The following AMZ1 variants were observed in gnomAD, a reference collection of about 807,000 sequenced individuals.
AMZ1 encodes archaelysin family metallopeptidase 1.
AMZ1 carries 39 observed loss-of-function variants against 29.9 expected under a neutral mutation model. The observed-to-expected ratio is 1.30, with a 90% confidence interval of 1.01 to 1.70. The LOEUF (loss-of-function observed/expected upper bound fraction) is 1.70, where lower values mean the gene tolerates loss of function less well. AMZ1 is among the 40% of genes most tolerant of loss of function. The probability of loss-of-function intolerance (pLI) is 0.00; values close to 1 mark genes in which losing one functional copy is unlikely to be tolerated. For synonymous variants in AMZ1, 458 were observed against 304.0 expected (o/e 1.51, Z -5.27); for missense variants, 1,041 against 680.6 (o/e 1.53, Z -5.89).
rs1562409543 is a variant in AMZ1, at chr7:2,757,128, C to CTTTTTT, written n.551-7584_551-7583insTTTTTT. 2.4e-4 allele frequency among the ~76,000 whole-genome samples: 28 copies of CTTTTTT among 115,130 alleles called. 1 individual carries two copies. Among genetic ancestry groups the CTTTTTT allele is most frequent in the South Asian group, 5.3e-4 (2 of 3,772 alleles). The allele number at this position is 115,130 out of a possible 152,430, so 75.5% of individuals were successfully genotyped here. ...GGCAGGCCCGATCTAATCAGGTGGGCCTTTTTTTTTTTTTTTTTTTTTTTT... is the reference window on the plus strand; with the variant it reads ...GGCAGGCCCGATCTAATCAGGTGGGCTTTTTTCTTTTTTTTTTTTTTTTTTTTTTTT... On this transcript the variant is annotated intron_variant and non_coding_transcript_variant, in intron 4 of 4. Coordinates refer to the AMZ1 transcript ENST00000489665.
chr7:2,695,892 C>G (rs944113778), intron 1 of AMZ1, among the ~76,000 whole-genome samples: 1 of 151,600 alleles, frequency 6.6e-6, no homozygotes, highest in Non-Finnish European at 1.5e-5. Flanking sequence ...CACCTGTAGT[C>G]CCAGCTACTC....
chr7:2,701,364 G>A (rs1788043254), intron 2 of AMZ1, among the ~76,000 whole-genome samples: 1 of 152,200 alleles, frequency 6.6e-6, no homozygotes, highest in African/African-American at 2.4e-5. Flanking sequence ...GGACGGGACT[G>A]GAACGCAGTT....
At position 2,718,414 on chromosome 7, in the gene AMZ1, A is replaced by AC. The variant is rs1789255398; in HGVS notation, c.*5538dup. Reference sequence around the variant, plus strand: ...GACCATCTCCCGTTCAAGGGCCCTCACCGCGCTTTGTGAGTCTGTCTCGTG... The same window carrying AC: ...GACCATCTCCCGTTCAAGGGCCCTCACCCGCGCTTTGTGAGTCTGTCTCGTG... On this transcript the variant is annotated 3_prime_UTR_variant, in exon 7 of 7. Transcript: ENST00000683327. 6.6e-6 allele frequency among the ~76,000 whole-genome samples: 1 copy of AC among 151,854 alleles called. No homozygotes were observed. The highest frequency in any genetic ancestry group is 1.5e-5 in the Non-Finnish European group (1 of 67,956).
chr7:2,747,118 T>C (rs1391971580), intron 4 of AMZ1, among the ~76,000 whole-genome samples: 1 of 152,222 alleles, frequency 6.6e-6, no homozygotes, highest in Non-Finnish European at 1.5e-5. Flanking sequence ...CCATTCCTTC[T>C]GAAACTATTC....
At chr7:2,719,710 C>T (rs1433504159), downstream of AMZ1, among the ~76,000 whole-genome samples, 6 of 144,680 alleles carry the variant, frequency 4.1e-5, no homozygotes, top group East Asian at 3.9e-4. Context: ...GATGGAGTTT[C>T]GCTCTTGTTG....
chr7:2,695,597 C>T (rs1489956712), intron 1 of AMZ1, among the ~76,000 whole-genome samples: 1 of 151,636 alleles, frequency 6.6e-6, no homozygotes, highest in African/African-American at 2.4e-5. Flanking sequence ...TCCGTAGTCT[C>T]AGCTACTCAG....
chr7:2,693,349 G>T (rs1361576544), intron 1 of AMZ1, among the ~76,000 whole-genome samples: 1 of 152,072 alleles, frequency 6.6e-6, no homozygotes, highest in Non-Finnish European at 1.5e-5. Flanking sequence ...CCAAGGTGCT[G>T]GGATTACAGG....
At chr7:2,720,649 C>G (rs953815848), downstream of AMZ1, among the ~76,000 whole-genome samples, 3 of 152,034 alleles carry the variant, frequency 2.0e-5, no homozygotes, top group Non-Finnish European at 2.9e-5. Flanking sequence ...AAGTGAAACA[C>G]CGAAGTCTCC....
chr7:2,764,397 T>C (rs916078169), upstream of AMZ1, among the ~76,000 whole-genome samples: 1 of 152,132 alleles, frequency 6.6e-6, no homozygotes, highest in Non-Finnish European at 1.5e-5. Context: ...TGGTTTATTA[T>C]TCACACAGAA....
rs1788856379 is a variant in AMZ1, at chr7:2,712,522, C to T, written c.1141C>T (p.Pro381Ser). The part of the protein sequence containing the change: ...DAGSHTFASG[P>S]EEGLSYLAAS... Reference sequence around the variant, plus strand: ...CGGGAGTCACACCTTCGCCTCGGGGCCAGAGGAAGGGCTGAGCTACCTGGC... The same window carrying T: ...CGGGAGTCACACCTTCGCCTCGGGGTCAGAGGAAGGGCTGAGCTACCTGGC... Residue 381 changes from proline (P) to serine (S), a missense_variant, in exon 7 of 7, where the codon CCA becomes TCA. Coordinates refer to ENST00000683327, the MANE Select transcript of AMZ1 (RefSeq NM_001384743.1). 1 of 1,608,178 alleles carries T rather than the reference C, an allele frequency of 6.2e-7. No individual in the cohort carries two copies.
Position 2,719,219 on chromosome 7 carries a change from G to C in AMZ1, c.*6341G>C, listed in dbSNP as rs960931151. ...ACGGCAGGTGGCCCCTGTCGGAAGGGGGGTGTCTCTTTATTCCTGCCATCC... is the reference window on the plus strand; with the variant it reads ...ACGGCAGGTGGCCCCTGTCGGAAGGCGGGTGTCTCTTTATTCCTGCCATCC... On this transcript the variant is annotated 3_prime_UTR_variant, in exon 7 of 7. Coordinates refer to ENST00000683327, the MANE Select transcript of AMZ1 (RefSeq NM_001384743.1). 4.6e-5 allele frequency among the ~76,000 whole-genome samples: 7 copies of C among 152,160 alleles called. No individual in the cohort carries two copies. Among genetic ancestry groups the C allele is most frequent in the Non-Finnish European group, 1.0e-4 (7 of 68,028 alleles).
chr7:2,705,942 G>T (rs544412210), intron 3 of AMZ1, among the ~76,000 whole-genome samples: 93 of 152,360 alleles, frequency 6.1e-4, no homozygotes, highest in African/African-American at 2.1e-3. Flanking sequence ...TATGGCCTCT[G>T]ACCTGTTGGT....
chr7:2,744,820 T>C (rs1218453268), intron 4 of AMZ1, among the ~76,000 whole-genome samples: 1 of 152,054 alleles, frequency 6.6e-6, no homozygotes, highest in East Asian at 1.9e-4. Flanking sequence ...AGAGAAGTCC[T>C]TAAAGGACCT....
rs1451499699 is a variant in AMZ1, at chr7:2,691,028, C to A, written c.-219+2732C>A. On this transcript the variant is annotated intron_variant, in intron 1 of 6. Coordinates refer to ENST00000683327, the MANE Select transcript of AMZ1 (RefSeq NM_001384743.1). ...TGGTGGCATGCGTCTGTAGTCCCAG[C>A]TACTAGGGAGGCTGAGGCATGAGAA... Among the ~76,000 whole-genome samples the A allele has an allele frequency of 2.0e-5, 3 of 148,284 alleles. No individual in the cohort carries two copies. In the Admixed American group the frequency reaches 2.1e-4, roughly 10 times the overall value.
At chr7:2,762,491 A>ACAG (rs1791608626), upstream of AMZ1, 8 of 767,390 alleles carry the variant, frequency 1.0e-5, no homozygotes, top group Admixed American at 3.8e-5. Context: ...GCGGGGCCTG[A>ACAG]GGTGTGAGTA....
chr7:2,684,809 A>G (rs1461814315), upstream of AMZ1, among the ~76,000 whole-genome samples: 1 of 151,132 alleles, frequency 6.6e-6, no homozygotes, highest in Admixed American at 6.6e-5. Context: ...CTGGGCTTCC[A>G]GTCTCCCGGG....
chr7:2,760,738 G>C (rs1205552377), upstream of AMZ1, among the ~76,000 whole-genome samples: 1 of 152,176 alleles, frequency 6.6e-6, no homozygotes, highest in African/African-American at 2.4e-5. Context: ...GTTTAGCTAC[G>C]ACCATTTCTA....
chr7:2,756,704 G>A (rs768648182), intron 4 of AMZ1, among the ~76,000 whole-genome samples: 16 of 152,212 alleles, frequency 1.1e-4, no homozygotes, highest in Non-Finnish European at 1.3e-4. Flanking sequence ...GATGAGCCTC[G>A]ATGACAGACG....
intron 5 of AMZ1, 75 bp downstream of exon 5, chr7:2,709,319 C>A: frequency 1.4e-6 from 2 of 1,379,940 alleles, no homozygotes; most frequent in Non-Finnish European, 1.9e-6. Flanking sequence ...CGGTCTGTTA[C>A]ACTGCCCCAT....
Sources: allele counts gnomAD v4.1 joint callset (sites outside exome capture counted in the v4.1 genomes callset), GRCh38; gene constraint gnomAD v4.1.1; transcripts MANE v1.5; gene names NCBI Gene and HGNC (gene_info 2026-07-23, HGNC 2026-07-21).